Variants in CHST4 observed in about 807,000 individuals in gnomAD.
CHST4 encodes the protein carbohydrate sulfotransferase 4.
For missense variants in CHST4, 466 were observed against 506.0 expected, an observed-to-expected ratio of 0.92 and a Z score of 0.76; for synonymous variants, 171 against 195.5, an observed-to-expected ratio of 0.87 and a Z score of 1.05.
At chr16:71,532,714 G>C (rs2043957549) in intron 1 of CHST4, among the ~76,000 whole-genome samples, 1 of 152,182 alleles carries the variant, frequency 6.6e-6, no homozygotes, top group Middle Eastern at 3.2e-3. Flanking sequence ...GGTCTCTGGA[G>C]CCCTGGACGT....
Position 71,537,194 on chromosome 16 carries a change from C to T in CHST4, c.517C>T (p.His173Tyr). The change falls in exon 2 of 2, where the codon CAC becomes TAC. Residue 173 changes from histidine (H) to tyrosine (Y), a missense_variant. His to Tyr is a moderately conservative substitution (Grantham distance 83). Coordinates refer to ENST00000539698, the MANE Select transcript of CHST4 (RefSeq NM_001166395.2). This position sits in a 1 kb window ranked among gnomAD's most constrained non-coding sequence, Gnocchi z 4.2. ...VVEKACRSYSHVVLKEVRFFN... is the reference protein window; with the variant it reads ...VVEKACRSYSYVVLKEVRFFN... Reference sequence around the variant, plus strand: ...GGAGAAGGCCTGCCGCTCCTACAGCCACGTGGTGCTCAAGGAGGTGCGCTT... The same window carrying T: ...GGAGAAGGCCTGCCGCTCCTACAGCTACGTGGTGCTCAAGGAGGTGCGCTT... 2 of 1,614,184 alleles carry T rather than the reference C, an allele frequency of 1.2e-6. No individual in the cohort carries two copies. Among genetic ancestry groups the T allele is most frequent in the Non-Finnish European group, 1.7e-6 (2 of 1,180,034 alleles).
chr16:71,534,984 T>C (rs2043976689), intron 1 of CHST4, among the ~76,000 whole-genome samples: 1 of 152,224 alleles, frequency 6.6e-6, no homozygotes, highest in Admixed American at 6.5e-5. Flanking sequence ...AAATATCCTT[T>C]GGAATAACAT....
Position 71,537,687 on chromosome 16 carries a change from C to A in CHST4, c.1010C>A (p.Ser337Tyr), listed in dbSNP as rs139402375. Residue 337 changes from serine (S) to tyrosine (Y), a missense_variant, in exon 2 of 2, where the codon TCT (serine) becomes TAT (tyrosine). By Grantham distance (144) the Ser-to-Tyr change is moderately radical. Coordinates refer to ENST00000539698, the MANE Select transcript of CHST4 (RefSeq NM_001166395.2). This position sits in a 1 kb window ranked among gnomAD's most constrained non-coding sequence, Gnocchi z 4.2. ...AATGTCTCCCAGGCTTGGCGCTGGT[C>A]TTTGCCCTATGAAAAGGTTTCTCGA... is the stretch of plus-strand genomic sequence containing the variant. ...ALNVSQAWRW[S>Y]LPYEKVSRLQ... The A allele has an allele frequency of 6.2e-7, 1 of 1,614,204 alleles. No individual in the cohort carries two copies. Among genetic ancestry groups the A allele is most frequent in the East Asian group, 2.2e-5 (1 of 44,880 alleles).
intron 1 of CHST4, among the ~76,000 whole-genome samples, chr16:71,526,847 C>T (rs2043912215): frequency 6.6e-6 from 1 of 152,064 alleles, no homozygotes; most frequent in South Asian, 2.1e-4. Context: ...TGCAGCTTCT[C>T]CTCTGTTTTC....
In CHST4 at chr16:71,537,007, T is replaced by G; in HGVS notation, c.330T>G (p.Asp110Glu). 6.2e-7 allele frequency: 1 copy of G among 1,614,086 alleles called. No homozygotes were observed. The highest frequency in any genetic ancestry group is 8.5e-7 in the Non-Finnish European group (1 of 1,179,990). The stretch of plus-strand genomic sequence containing the variant: ...TCTTGTGCGACATGAGCGTCTTTGA[T>G]GCCTACATGGAACCTGGTCCCCGGA... ...AVFLCDMSVFDAYMEPGPRRQ... is the reference protein window; with the variant it reads ...AVFLCDMSVFEAYMEPGPRRQ... Residue 110 changes from aspartate to glutamate, a missense_variant, in exon 2 of 2, where the codon GAT becomes GAG. By Grantham distance (45) the Asp-to-Glu change is conservative. Transcript: ENST00000539698. The surrounding 1 kb of genome is among the most constrained non-coding windows in gnomAD (Gnocchi z 4.2).
chr16:71,537,601 C>T lies in CHST4; in HGVS notation c.924C>T (p.Asn308=). 6.2e-7 allele frequency: 1 copy of T among 1,614,202 alleles called. No individual in the cohort carries two copies. The highest frequency in any genetic ancestry group is 8.5e-7 in the Non-Finnish European group (1 of 1,180,032). The change falls in exon 2 of 2, where the codon AAC becomes AAT. Residue 308 remains asparagine, a synonymous_variant. Transcript: ENST00000539698. This position sits in a 1 kb window ranked among gnomAD's most constrained non-coding sequence, Gnocchi z 4.2. ...CCCATCTTCAGACCTGGGTGCATAA[C>T]ATCACCCGAGGCAAGGGCATGGGTG... is the stretch of plus-strand genomic sequence containing the variant. ...FLPHLQTWVH[N]ITRGKGMGDH...
At position 71,537,823 on chromosome 16, in the gene CHST4, T is replaced by A. The variant is rs1486805061; in HGVS notation, c.1146T>A (p.Pro382=). 6.2e-7 allele frequency: 1 copy of A among 1,611,238 alleles called. No homozygotes were observed. The highest frequency in any genetic ancestry group is 8.5e-7 in the Non-Finnish European group (1 of 1,178,860). The change falls in exon 2 of 2, where the codon CCT becomes CCA. Residue 382 remains proline, a synonymous_variant. Coordinates refer to ENST00000539698, the MANE Select transcript of CHST4 (RefSeq NM_001166395.2). This position sits in a 1 kb window ranked among gnomAD's most constrained non-coding sequence, Gnocchi z 4.2. The part of the protein sequence containing the change: ...LLDLLSTWTV[P]EQIH ...ATCTTCTGTCTACCTGGACTGTCCC[T>A]GAGCAAATCCACTAAGAGGGTTGAG...
chr16:71,533,023 AATTTTTTTTTG>A (rs1181872701), intron 1 of CHST4, among the ~76,000 whole-genome samples: 3 of 152,140 alleles, frequency 2.0e-5, no homozygotes, highest in African/African-American at 7.2e-5. Flanking sequence ...GATAACTTGA[AATTTTTTTTTG>A]ATTTTTTTTT....
Position 71,537,984 on chromosome 16 carries a change from CAGA to C in CHST4, c.*149_*151del, listed in dbSNP as rs1359189089. Reference sequence around the variant, plus strand: ...TGAGTTGTGTCCACACGTGCTCAAGCAGAAGGACTTTTGTGTCCATGCTTGTGT... The same window carrying C: ...TGAGTTGTGTCCACACGTGCTCAAGCAGGACTTTTGTGTCCATGCTTGTGT... On this transcript the variant is annotated 3_prime_UTR_variant, in exon 2 of 2. Coordinates refer to ENST00000539698, the MANE Select transcript of CHST4 (RefSeq NM_001166395.2). The surrounding 1 kb of genome is among the most constrained non-coding windows in gnomAD (Gnocchi z 4.2). The C allele has an allele frequency of 3.6e-5, 26 of 722,318 alleles. No homozygotes were observed. The highest frequency in any genetic ancestry group is 5.5e-5 in the Non-Finnish European group (24 of 434,960). The allele number at this position is 722,318 out of a possible 1,614,324, so 44.7% of individuals were successfully genotyped here.
At chr16:71,532,194 C>T (rs563536217) in intron 1 of CHST4, among the ~76,000 whole-genome samples, 2 of 151,958 alleles carry the variant, frequency 1.3e-5, no homozygotes, top group South Asian at 2.1e-4. Flanking sequence ...ACTATAGGTG[C>T]CCGCCACCAC....
At chr16:71,535,413 T>C (rs1426786276) in intron 1 of CHST4, among the ~76,000 whole-genome samples, 2 of 152,232 alleles carry the variant, frequency 1.3e-5, no homozygotes, top group Non-Finnish European at 2.9e-5. Flanking sequence ...CCTCAAGTGA[T>C]CTGCCCAGCT....
chr16:71,534,348 C>CT (rs548597955), intron 1 of CHST4, among the ~76,000 whole-genome samples: 58,401 of 123,386 alleles, frequency 0.47, 17,011 homozygotes, highest in African/African-American at 0.83. Flanking sequence ...ACATTTCTTT[C>CT]TTTTTTTTTT....
rs755833599 is a variant in CHST4, at chr16:71,536,742, T to C, written c.65T>C (p.Leu22Pro). Residue 22 changes from leucine (L) to proline (P), a missense_variant, in exon 2 of 2, where the codon CTA becomes CCA. Leu to Pro is a moderately conservative substitution (Grantham distance 98, BLOSUM62 -3). Coordinates refer to ENST00000539698, the MANE Select transcript of CHST4 (RefSeq NM_001166395.2). ...FLVSQMAILALFFHMYSHNIS... is the reference protein window; with the variant it reads ...FLVSQMAILAPFFHMYSHNIS... ...GTTTCCCAGATGGCCATCTTGGCTC[T>C]ATTCTTCCACATGTACAGCCACAAC... The C allele has an allele frequency of 2.0e-6, 3 of 1,503,804 alleles. No individual in the cohort carries two copies. In the Admixed American group the frequency reaches 7.0e-5, roughly 35 times the overall value. 93.2% of individuals were successfully genotyped at this position (1,503,804 alleles called of 1,614,324 possible).
chr16:71,529,094 G>GT (rs2043928398), intron 1 of CHST4, among the ~76,000 whole-genome samples: 1 of 147,012 alleles, frequency 6.8e-6, no homozygotes, highest in African/African-American at 2.5e-5. Flanking sequence ...TTTTTGTTTT[G>GT]TTTTTGTTTT....
chr16:71,528,928 C>A (rs1252540885), intron 1 of CHST4, among the ~76,000 whole-genome samples: 1 of 152,136 alleles, frequency 6.6e-6, no homozygotes, highest in Non-Finnish European at 1.5e-5. Context: ...TTCTCACCAC[C>A]CTTTGGTGGC....
In CHST4 at chr16:71,537,351, G is replaced by A. The variant is rs764997950; in HGVS notation, c.674G>A (p.Ser225Asn). 85 of 1,614,068 alleles carry A rather than the reference G, an allele frequency of 5.3e-5. No individual in the cohort carries two copies. The highest frequency in any genetic ancestry group is 4.8e-4 in the Admixed American group (29 of 60,010). Residue 225 changes from serine (S) to asparagine (N), a missense_variant, in exon 2 of 2, where the codon AGT (serine) becomes AAT (asparagine). Ser to Asn is a conservative substitution (Grantham distance 46). Coordinates refer to ENST00000539698, the MANE Select transcript of CHST4 (RefSeq NM_001166395.2). This position sits in a 1 kb window ranked among gnomAD's most constrained non-coding sequence, Gnocchi z 4.2. ...ERTKGDLMID[S>N]RIVMGQHEQK... ...ACAAAGGGAGATCTCATGATTGACAGTCGCATTGTGATGGGGCAGCATGAG... is the reference window on the plus strand; with the variant it reads ...ACAAAGGGAGATCTCATGATTGACAATCGCATTGTGATGGGGCAGCATGAG...
intron 1 of CHST4, among the ~76,000 whole-genome samples, chr16:71,526,904 C>G (rs990351220): frequency 6.6e-6 from 1 of 152,124 alleles, no homozygotes. Context: ...TAGGTTTTCT[C>G]TAGCTCAGGA....
At chr16:71,536,251 A>G (rs2043987665) in intron 1 of CHST4, among the ~76,000 whole-genome samples, 1 of 152,160 alleles carries the variant, frequency 6.6e-6, no homozygotes, top group South Asian at 2.1e-4. Context: ...TGCAGGAATC[A>G]CAAGCCATTC....
At position 71,537,474 on chromosome 16, in the gene CHST4, C is replaced by A. The variant is rs2044000614; in HGVS notation, c.797C>A (p.Ala266Asp). 1 of 1,614,050 alleles carries A rather than the reference C, an allele frequency of 6.2e-7. No individual in the cohort carries two copies. Among genetic ancestry groups the A allele is most frequent in the Non-Finnish European group, 8.5e-7 (1 of 1,180,036 alleles). The change falls in exon 2 of 2, where the codon GCC becomes GAC. Residue 266 changes from alanine to aspartate, a missense_variant. Physicochemically the swap from Ala to Asp is moderately radical, Grantham distance 126. Coordinates refer to ENST00000539698, the MANE Select transcript of CHST4 (RefSeq NM_001166395.2). The surrounding 1 kb of genome is among the most constrained non-coding windows in gnomAD (Gnocchi z 4.2). Reference protein sequence around the residue: ...IYKTIQSLPKALQERYLLVRY... With the variant: ...IYKTIQSLPKDLQERYLLVRY... ...AAGACCATCCAGTCCTTGCCCAAGG[C>A]CCTGCAGGAACGCTACCTGCTTGTG... is the stretch of plus-strand genomic sequence containing the variant.
Sources: allele counts gnomAD v4.1 joint callset (sites outside exome capture counted in the v4.1 genomes callset), GRCh38; gene constraint gnomAD v4.1.1; non-coding constraint Gnocchi (gnomAD v3.1); transcripts MANE v1.5; gene names NCBI Gene and HGNC (gene_info 2026-07-23, HGNC 2026-07-21).